The following FUCA1 variants were observed in gnomAD, a reference collection of about 807,000 sequenced individuals.
The protein encoded by FUCA1 is alpha-L-fucosidase 1.
In FUCA1, 52 loss-of-function variants were observed where a neutral mutation model predicts 56.8. The observed-to-expected ratio is 0.92, with a 90% CI of 0.73 to 1.15. FUCA1 has a LOEUF of 1.15. Ranked by LOEUF, FUCA1 falls within the 50% of genes most tolerant of loss-of-function variation. FUCA1 has a pLI of 0.00. For synonymous variants in FUCA1, 230 were observed against 226.6 expected, an observed-to-expected ratio of 1.02 and a Z score of -0.14; for missense variants, 568 against 592.6, an observed-to-expected ratio of 0.96 and a Z score of 0.43.
At chr1:23,859,684 C>CATGTTGAT in intron 4 of FUCA1, 114 bp downstream of exon 4, 1 of 710,350 alleles carries the variant, frequency 1.4e-6, no homozygotes, top group Non-Finnish European at 2.6e-6. Context: ...CTACTGCCCC[C>CATGTTGAT]ATGTTGATAT....
chr1:23,866,502 T>G (rs1446794947), intron 1 of FUCA1, among the ~76,000 whole-genome samples: 2 of 152,236 alleles, frequency 1.3e-5, no homozygotes, highest in Non-Finnish European at 2.9e-5. Context: ...AAATAGGTAA[T>G]GCACTTTATG....
rs183264998 is a variant in FUCA1, at chr1:23,861,099, G to A, written c.663-1196C>T. ...AGCACTTTGGGAGGCCGAGGCGGGC[G>A]GATCACGAGGTCGGGAGATCGAGAC... On this transcript the variant is annotated intron_variant, in intron 3 of 7. Transcript: ENST00000374479. Among the ~76,000 whole-genome samples, 1,262 of 151,398 alleles carry A rather than the reference G, an allele frequency of 8.3e-3. 25 individuals carry two copies. The highest frequency in any genetic ancestry group is 0.025 in the African/African-American group (1,044 of 41,326).
At chr1:23,863,714 T>A (rs536365960) in intron 2 of FUCA1, among the ~76,000 whole-genome samples, 1 of 152,022 alleles carries the variant, frequency 6.6e-6, no homozygotes, top group East Asian at 1.9e-4. Flanking sequence ...TAGCTGAGTG[T>A]GGTGGTGCGA....
intron 2 of FUCA1, among the ~76,000 whole-genome samples, chr1:23,863,555 AAC>A (rs1238711488): frequency 6.6e-6 from 1 of 152,218 alleles, no homozygotes; most frequent in African/African-American, 2.4e-5. Context: ...CAATTATCCC[AAC>A]AGAGTATAGT....
At chr1:23,854,610 C>A (rs772978044) in intron 4 of FUCA1, 50 bp from the exon 5 acceptor site, 1 of 1,395,500 alleles carries the variant, frequency 7.2e-7, no homozygotes, top group Non-Finnish European at 1.0e-6. Flanking sequence ...CACTTGACTT[C>A]TTTATGTAAT....
At chr1:23,847,265 C>T (rs1639162654) in intron 6 of FUCA1, among the ~76,000 whole-genome samples, 2 of 152,008 alleles carry the variant, frequency 1.3e-5, no homozygotes, top group Admixed American at 6.6e-5. Flanking sequence ...TTTTCTATTC[C>T]AAATCCATGT....
intron 7 of FUCA1, 97 bp downstream of exon 7, chr1:23,845,977 G>T: frequency 6.6e-7 from 1 of 1,503,954 alleles, no homozygotes; most frequent in Non-Finnish European, 9.3e-7. Context: ...TAAAAGAGGT[G>T]TGAATATGGG....
chr1:23,855,445 C>T (rs1435456516), intron 4 of FUCA1, among the ~76,000 whole-genome samples: 7 of 152,176 alleles, frequency 4.6e-5, no homozygotes, highest in East Asian at 3.8e-4. Context: ...AGCAGTGAGC[C>T]GAGATCGTGC....
chr1:23,863,275 AAACAG>A lies in FUCA1; in HGVS notation c.525-9_525-5del, dbSNP rs759886522. ...GTATAGTCCATAGCGGATGTTCCTT[AAACAG>A]AAAAACAGAACAGCAACTGTCATTA... is the stretch of plus-strand genomic sequence containing the variant. On this transcript the variant is annotated splice_region_variant and splice_polypyrimidine_tract_variant and intron_variant, in intron 2 of 7. Transcript: ENST00000374479. The A allele has an allele frequency of 9.3e-6, 15 of 1,611,750 alleles. No individual in the cohort carries two copies. The highest frequency in any genetic ancestry group is 1.3e-5 in the African/African-American group (1 of 74,902).
At position 23,868,164 on chromosome 1, in the gene FUCA1, C is replaced by T; in HGVS notation, c.123G>A (p.Trp41Ter). Residue 41 changes from tryptophan (W) to a stop codon, truncating the protein, a stop_gained, in exon 1 of 8, where the codon TGG becomes TGA. Transcript: ENST00000374479. LOFTEE classifies it high-confidence loss of function. ...AQPPRRYTPDWPSLDSRPLPA... is the reference protein window; with the variant it reads ...AQPPRRYTPD The stretch of plus-strand genomic sequence containing the variant: ...GCAGCGGCCGAGAATCCAGGCTCGG[C>T]CAGTCTGGGGTGTAGCGGCGCGGAG... 6.2e-7 allele frequency: 1 copy of T among 1,608,842 alleles called. No homozygotes were observed.
In FUCA1 at chr1:23,848,574, T is replaced by C. The variant is rs142928994; in HGVS notation, c.1160+75A>G. On this transcript the variant is annotated intron_variant, in intron 6 of 7. Coordinates refer to ENST00000374479, the MANE Select transcript of FUCA1 (RefSeq NM_000147.5). ...GCAACTTCCAGCCTGGCTTGTGACA[T>C]TGTGGACCCAAGGAGATACCAGTTC... 1.2e-3 allele frequency: 1,699 copies of C among 1,410,842 alleles called. 2 individuals are homozygous for C. Among genetic ancestry groups the C allele is most frequent in the Non-Finnish European group, 1.6e-3 (1,562 of 996,198 alleles). The allele number at this position is 1,410,842 out of a possible 1,614,324, so 87.4% of individuals were successfully genotyped here.
chr1:23,866,688 A>G (rs763776175), intron 1 of FUCA1, among the ~76,000 whole-genome samples: 1 of 152,238 alleles, frequency 6.6e-6, no homozygotes, highest in South Asian at 2.1e-4. Flanking sequence ...GCAGAGGACC[A>G]ATCCCTCTGG....
At chr1:23,847,342 C>CTTT (rs71026630) in intron 6 of FUCA1, among the ~76,000 whole-genome samples, 2 of 146,292 alleles carry the variant, frequency 1.4e-5, no homozygotes, top group Non-Finnish European at 1.5e-5. Flanking sequence ...TCAGAGATTT[C>CTTT]TTTTTTTTTT....
At chr1:23,855,361 G>A (rs1350593782) in intron 4 of FUCA1, among the ~76,000 whole-genome samples, 4 of 152,216 alleles carry the variant, frequency 2.6e-5, no homozygotes, top group African/African-American at 7.2e-5. Context: ...GCTGGGCATG[G>A]TGGCACATGC....
intron 3 of FUCA1, among the ~76,000 whole-genome samples, chr1:23,861,813 C>T (rs1459386009): frequency 6.6e-6 from 1 of 152,196 alleles, no homozygotes; most frequent in Non-Finnish European, 1.5e-5. Context: ...AAATACAAAT[C>T]TGCCCATTTG....
chr1:23,863,857 AAAAACAAAAC>A (rs548255965), intron 2 of FUCA1, among the ~76,000 whole-genome samples: 4 of 152,256 alleles, frequency 2.6e-5, no homozygotes, highest in Admixed American at 2.6e-4. Context: ...GTCTCAAAAC[AAAAACAAAAC>A]AAAACAAAAC....
At position 23,864,085 on chromosome 1, in the gene FUCA1, T is replaced by C. The variant is rs866929222; in HGVS notation, c.525-814A>G. On this transcript the variant is annotated intron_variant, in intron 2 of 7. Transcript: ENST00000374479. ...TTACTAATAGTTCTTTCTCTTTTTT[T>C]CCTTTTTTTTTTTTTTTTTGAGATG... Among the ~76,000 whole-genome samples, 574 of 148,678 alleles carry C rather than the reference T, an allele frequency of 3.9e-3. 6 individuals are homozygous for C. The highest frequency in any genetic ancestry group is 0.014 in the African/African-American group (551 of 40,270).
chr1:23,863,244 T>G lies in FUCA1; in HGVS notation c.552A>C (p.Ser184=). Residue 184 remains serine (S), a synonymous_variant, in exon 3 of 8, where the codon TCA becomes TCC. Coordinates refer to ENST00000374479, the MANE Select transcript of FUCA1 (RefSeq NM_000147.5). The stretch of plus-strand genomic sequence containing the variant: ...AGAGTGGATGGAACCACTCTAAGAG[T>G]GAGTGGTATAGTCCATAGCGGATGT... ...KRNIRYGLYH[S]LLEWFHPLYL... The G allele has an allele frequency of 1.2e-6, 2 of 1,612,414 alleles. No individual in the cohort carries two copies. Among genetic ancestry groups the G allele is most frequent in the Non-Finnish European group, 1.7e-6 (2 of 1,178,840 alleles).
intron 2 of FUCA1, among the ~76,000 whole-genome samples, chr1:23,864,041 C>CGTTTTATTT (rs1639567362): frequency 6.6e-6 from 1 of 150,390 alleles, no homozygotes; most frequent in South Asian, 2.1e-4. Context: ...ATAGGTTTAT[C>CGTTTTATTT]GTTTTATTTA....
Sources: allele counts gnomAD v4.1 joint callset (sites outside exome capture counted in the v4.1 genomes callset), GRCh38; gene constraint gnomAD v4.1.1; transcripts MANE v1.5; gene names NCBI Gene and HGNC (gene_info 2026-07-23, HGNC 2026-07-21).